DGKG: variants seen among roughly 807,000 people sequenced by gnomAD.
DGKG encodes DAG kinase gamma.
In DGKG, 78 loss-of-function variants were observed where a neutral mutation model predicts 105.3. That is an observed-to-expected ratio of 0.74 (90% CI 0.62 to 0.89). The LOEUF is 0.89. Among genes scored for constraint, DGKG ranks in the 40% least tolerant of loss-of-function variants. DGKG has a pLI of 0.00. For missense variants in DGKG, 958 were observed against 1,020.1 expected (o/e 0.94, Z 0.83); for synonymous variants, 346 against 367.1 (o/e 0.94, Z 0.66).
At chr3:186,251,543 G>C (rs1047499444) in intron 19 of DGKG, among the ~76,000 whole-genome samples, 29 of 152,192 alleles carry the variant, frequency 1.9e-4, no homozygotes, top group African/African-American at 6.8e-4. Flanking sequence ...TGACAGAGGA[G>C]AGAATTTACT....
chr3:186,210,605 T>C lies in DGKG; in HGVS notation c.1917+1190A>G, dbSNP rs1273164664. ...CAGAACCTCTGGCTTCGTGTTTTGTTTGTGAAAACTCCCTGTGAGTGAGGA... is the reference window on the plus strand; with the variant it reads ...CAGAACCTCTGGCTTCGTGTTTTGTCTGTGAAAACTCCCTGTGAGTGAGGA... On this transcript the variant is annotated intron_variant, in intron 21 of 24. Transcript: ENST00000265022. This position sits in a 1 kb window ranked among gnomAD's most constrained non-coding sequence, Gnocchi z 5.2. The C allele has an allele frequency of 2.2e-6, 1 of 454,168 alleles. No homozygotes were observed. Among genetic ancestry groups the C allele is most frequent in the Non-Finnish European group, 4.4e-6 (1 of 226,720 alleles). 28.1% of individuals were successfully genotyped at this position (454,168 alleles called of 1,614,324 possible). A position where few individuals can be genotyped will look rare whatever the true frequency, so the allele number is the denominator to read the frequency against.
At chr3:186,295,750 GC>G (rs889623210) in intron 5 of DGKG, among the ~76,000 whole-genome samples, 1 of 151,446 alleles carries the variant, frequency 6.6e-6, no homozygotes, top group African/African-American at 2.4e-5. Flanking sequence ...GGAAGAGGAT[GC>G]CCAGGTGACA....
intron 1 of DGKG, among the ~76,000 whole-genome samples, chr3:186,334,624 T>A (rs1434257169): frequency 6.6e-6 from 1 of 152,228 alleles, no homozygotes; most frequent in Non-Finnish European, 1.5e-5. Flanking sequence ...TCAGTAACCT[T>A]TACAATGTGA....
At chr3:186,218,215 G>A (rs1578679933) in intron 20 of DGKG, among the ~76,000 whole-genome samples, 4 of 152,158 alleles carry the variant, frequency 2.6e-5, no homozygotes, top group Admixed American at 2.6e-4. Context: ...TAAAAATGAA[G>A]GGCTTGGGGC....
Position 186,320,535 on chromosome 3 carries a change from G to A in DGKG, c.-76C>T. 2 of 1,611,358 alleles carry A rather than the reference G, an allele frequency of 1.2e-6. No individual in the cohort carries two copies. The highest frequency in any genetic ancestry group is 1.7e-6 in the Non-Finnish European group (2 of 1,178,332). On this transcript the variant is annotated 5_prime_UTR_variant, in exon 2 of 25. Coordinates refer to ENST00000265022, the MANE Select transcript of DGKG (RefSeq NM_001346.3). ...TAGGCTGAAGTGGAGGCCCAGCCCA[G>A]GGCCTGGCTCATTGCAGGTTTGCGA...
chr3:186,292,264 G>A (rs1163324708), intron 5 of DGKG, among the ~76,000 whole-genome samples: 1 of 152,146 alleles, frequency 6.6e-6, no homozygotes, highest in Non-Finnish European at 1.5e-5. Flanking sequence ...AGTGGGAAGA[G>A]CACCAGACCA....
At chr3:186,314,621 G>T (rs1000677891) in intron 2 of DGKG, among the ~76,000 whole-genome samples, 7 of 152,022 alleles carry the variant, frequency 4.6e-5, no homozygotes, top group South Asian at 4.2e-4. Context: ...GGGCATGGTG[G>T]TGGGAGCCTA....
intron 5 of DGKG, among the ~76,000 whole-genome samples, chr3:186,293,681 A>C (rs1017543057): frequency 6.6e-6 from 1 of 152,122 alleles, no homozygotes; most frequent in Non-Finnish European, 1.5e-5. Flanking sequence ...GAGCTTGGAG[A>C]CTGATCTGAT....
intron 20 of DGKG, among the ~76,000 whole-genome samples, chr3:186,229,658 G>A (rs911865874): frequency 6.6e-6 from 1 of 152,192 alleles, no homozygotes; most frequent in African/African-American, 2.4e-5. Flanking sequence ...ATTAACTTCT[G>A]TATGTGCTCA....
At chr3:186,161,776 G>T (rs1716302700) in intron 23 of DGKG, 113 bp from the exon 24 acceptor site, 1 of 1,503,900 alleles carries the variant, frequency 6.6e-7, no homozygotes, top group Non-Finnish European at 9.1e-7. Flanking sequence ...CCTAAGTGTG[G>T]TTCTCTAAGA....
intron 16 of DGKG, among the ~76,000 whole-genome samples, chr3:186,258,999 A>G (rs1003111015): frequency 3.3e-5 from 5 of 152,176 alleles, no homozygotes; most frequent in Non-Finnish European, 7.3e-5. Context: ...AATATTTCCA[A>G]TCTGCCCAGC....
intron 1 of DGKG, among the ~76,000 whole-genome samples, chr3:186,338,663 T>A (rs1194012708): frequency 1.3e-5 from 2 of 152,218 alleles, no homozygotes; most frequent in East Asian, 1.9e-4. Flanking sequence ...AATTCTTTTT[T>A]AAAAAGGGAA....
chr3:186,211,825 G>C lies in DGKG; in HGVS notation c.1887C>G (p.Cys629Trp). 6.2e-7 allele frequency: 1 copy of C among 1,614,182 alleles called. No individual in the cohort carries two copies. The highest frequency in any genetic ancestry group is 8.5e-7 in the Non-Finnish European group (1 of 1,180,004). ...ACTCAATGTGGTCGTGGAGTTTCTTGCAGGTCGCTGCAAAAGTCTCCGAGG... is the reference window on the plus strand; with the variant it reads ...ACTCAATGTGGTCGTGGAGTTTCTTCCAGGTCGCTGCAAAAGTCTCCGAGG... ...FGTSETFAAT[C>W]KKLHDHIELE... is the part of the protein sequence containing the mutation. Residue 629 changes from cysteine (C) to tryptophan (W), a missense_variant, in exon 21 of 25, where the codon TGC (cysteine) becomes TGG (tryptophan). Around this residue, in one of 2 missense-constraint regions of DGKG, gnomAD observed 315 missense variants for 400.6 expected, o/e 0.79. Coordinates refer to ENST00000265022, the MANE Select transcript of DGKG (RefSeq NM_001346.3).
chr3:186,298,276 C>A, intron 3 of DGKG, 47 bp from the exon 4 acceptor site: 2 of 1,505,760 alleles, frequency 1.3e-6, no homozygotes, highest in South Asian at 2.7e-5. Context: ...AGCAAAGGGA[C>A]AGAGAGGAAG....
chr3:186,196,514 T>C (rs1424285363), intron 21 of DGKG, among the ~76,000 whole-genome samples: 1 of 152,166 alleles, frequency 6.6e-6, no homozygotes, highest in African/African-American at 2.4e-5. Context: ...AGTCCAAATA[T>C]CTCATTTTAT....
intron 16 of DGKG, 70 bp downstream of exon 16, chr3:186,260,369 A>G: frequency 2.7e-6 from 3 of 1,130,600 alleles, no homozygotes; most frequent in Non-Finnish European, 4.0e-6. Flanking sequence ...AAAGGTGACA[A>G]AAGAGGCATC....
intron 21 of DGKG, among the ~76,000 whole-genome samples, chr3:186,190,101 G>A (rs2108502014): frequency 6.6e-6 from 1 of 152,290 alleles, no homozygotes; most frequent in South Asian, 2.1e-4. Flanking sequence ...GAGGCACAGA[G>A]GAGGTTAAGT....
Position 186,297,560 on chromosome 3 carries a change from A to G in DGKG, c.311-77T>C, listed in dbSNP as rs909450689. 6.8e-6 allele frequency: 7 copies of G among 1,023,522 alleles called. No individual in the cohort carries two copies. The African/African-American group carries it at 1.1e-4, about 16-fold the overall frequency. The allele number at this position is 1,023,522 out of a possible 1,614,324, so 63.4% of individuals were successfully genotyped here. On this transcript the variant is annotated intron_variant, in intron 4 of 24. Transcript: ENST00000265022. ...GGAAGGGCAGGTACAGGACATCCCCATGGGACCTGGTTTGCCTTGATTGTG... is the reference window on the plus strand; with the variant it reads ...GGAAGGGCAGGTACAGGACATCCCCGTGGGACCTGGTTTGCCTTGATTGTG...
rs60417496 is a variant in DGKG at position 186,263,573 on chromosome 3, A to ACAAG, written c.1269+1670_1269+1673dup. ...CAAGAGCGAAACCCCATCTCAAAAA[A>ACAAG]CAAGCAAGCAAGCAAGCAAGCAAGC... On this transcript the variant is annotated intron_variant, in intron 14 of 24. Coordinates refer to ENST00000265022, the MANE Select transcript of DGKG (RefSeq NM_001346.3). 6.8e-3 allele frequency among the ~76,000 whole-genome samples: 1,021 copies of ACAAG among 151,258 alleles called. 14 individuals carry two copies. The highest frequency in any genetic ancestry group is 0.02 in the African/African-American group (832 of 41,282).
Sources: gnomAD v4.1 joint callset for allele counts (sites outside exome capture counted in the v4.1 genomes callset) on GRCh38, gnomAD v4.1.1 for gene constraint, gnomAD v4.1.1 regional missense constraint, Gnocchi (gnomAD v3.1) non-coding constraint, MANE v1.5 for transcripts, NCBI Gene and HGNC (gene_info 2026-07-23, HGNC 2026-07-21) for gene names.